The following PKP2 variants were observed in gnomAD, a reference collection of about 807,000 sequenced individuals.
PKP2 encodes plakophilin-2.
In PKP2, 73 loss-of-function variants were observed where a neutral mutation model predicts 83.4. That is an observed-to-expected ratio of 0.88 (90% CI 0.72 to 1.06). The LOEUF (loss-of-function observed/expected upper bound fraction) is 1.06, where lower values mean the gene tolerates loss of function less well. Among genes scored for constraint, PKP2 ranks in the 50% least tolerant of loss-of-function variants. The probability of loss-of-function intolerance (pLI) is 0.00; values close to 1 mark genes in which losing one functional copy is unlikely to be tolerated. For missense variants in PKP2, 966 were observed against 1,065.4 expected, an observed-to-expected ratio of 0.91 and a Z score of 1.30; for synonymous variants, 409 against 430.4, an observed-to-expected ratio of 0.95 and a Z score of 0.62.
intron 5 of PKP2, among the ~76,000 whole-genome samples, chr12:32,849,421 G>C (rs1956677478): frequency 6.6e-6 from 1 of 152,140 alleles, no homozygotes; most frequent in Non-Finnish European, 1.5e-5. Context: ...GTCCCACTAT[G>C]TTGGCCAGGC....
At chr12:32,884,906 C>G (rs960791149) in intron 1 of PKP2, among the ~76,000 whole-genome samples, 2 of 152,082 alleles carry the variant, frequency 1.3e-5, no homozygotes, top group African/African-American at 4.8e-5. Context: ...TTCATTTCAC[C>G]TGCACAGTGC....
At chr12:32,858,107 ATATATAT>A (rs1457697730) in intron 4 of PKP2, among the ~76,000 whole-genome samples, 1 of 101,714 alleles carries the variant, frequency 9.8e-6, no homozygotes, top group Non-Finnish European at 2.0e-5. Context: ...ATATATATAT[ATATATAT>A]ATTTATATAT....
At chr12:32,830,887 C>T (rs1032380276) in intron 6 of PKP2, among the ~76,000 whole-genome samples, 4 of 142,996 alleles carry the variant, frequency 2.8e-5, no homozygotes, top group African/African-American at 1.0e-4. Flanking sequence ...GCCTAGGCAA[C>T]AGAGTGAGAC....
intron 6 of PKP2, among the ~76,000 whole-genome samples, chr12:32,827,269 T>G (rs1326394059): frequency 6.6e-6 from 1 of 152,242 alleles, no homozygotes; most frequent in Non-Finnish European, 1.5e-5. Context: ...ATGGGACTTA[T>G]CAGGGGTTTC....
At chr12:32,867,893 G>A (rs1956862749) in intron 4 of PKP2, among the ~76,000 whole-genome samples, 1 of 152,152 alleles carries the variant, frequency 6.6e-6, no homozygotes, top group South Asian at 2.1e-4. Flanking sequence ...CCTCACAAAT[G>A]TATCACTTTT....
chr12:32,869,507 G>A (rs540201375), intron 3 of PKP2, among the ~76,000 whole-genome samples: 294 of 151,278 alleles, frequency 1.9e-3, no homozygotes, highest in Middle Eastern at 0.01. Flanking sequence ...GCTGAGGCAG[G>A]AGAATCACTT....
chr12:32,891,965 C>T (rs569342828), intron 1 of PKP2, among the ~76,000 whole-genome samples: 1 of 152,070 alleles, frequency 6.6e-6, no homozygotes, highest in South Asian at 2.1e-4. Context: ...TTGGACTTAC[C>T]GAACTCAATC....
intron 1 of PKP2, among the ~76,000 whole-genome samples, chr12:32,892,818 C>CG (rs574559982): frequency 0.19 from 3,671 of 19,742 alleles, 460 homozygotes; most frequent in East Asian, 0.5. Context: ...GGGGTGGGGG[C>CG]GGGGGGGGGG....
intron 6 of PKP2, among the ~76,000 whole-genome samples, chr12:32,837,395 T>A (rs1292479510): frequency 5.3e-5 from 8 of 152,152 alleles, no homozygotes; most frequent in Non-Finnish European, 7.3e-5. Context: ...GGAAAACCTA[T>A]CTTGTAGGGA....
At position 32,822,492 on chromosome 12, in the gene PKP2, C is replaced by A; in HGVS notation, c.1814G>T (p.Gly605Val). 1.9e-6 allele frequency: 3 copies of A among 1,614,086 alleles called. No individual in the cohort carries two copies. The highest frequency in any genetic ancestry group is 2.5e-6 in the Non-Finnish European group (3 of 1,180,014). Residue 605 changes from glycine to valine, a missense_variant, in exon 8 of 13, where the codon GGC (glycine) becomes GTC (valine). Coordinates refer to ENST00000340811, the MANE Select transcript of PKP2 (RefSeq NM_001005242.3). ...TDNNKSIGCF[G>V]SRSRKVKEQY... ...CTCTTTTACTTTCCTGCTTCGACTG[C>A]CAAAACATCCAATACTTTTGTTGTT...
At chr12:32,863,745 T>C (rs1956821694) in intron 4 of PKP2, among the ~76,000 whole-genome samples, 1 of 152,124 alleles carries the variant, frequency 6.6e-6, no homozygotes, top group Non-Finnish European at 1.5e-5. Flanking sequence ...CTACCAAACA[T>C]TTAAGGAAGA....
chr12:32,808,789 T>C (rs551271594), intron 9 of PKP2, among the ~76,000 whole-genome samples: 1 of 152,100 alleles, frequency 6.6e-6, no homozygotes, highest in East Asian at 1.9e-4. Context: ...AGGGCTGCTG[T>C]GGTTTGTTGG....
chr12:32,853,508 CTTTTT>C (rs71447625), intron 4 of PKP2, among the ~76,000 whole-genome samples: 1 of 138,154 alleles, frequency 7.2e-6, no homozygotes, highest in Non-Finnish European at 1.5e-5. Context: ...TAAATTCATA[CTTTTT>C]TTTTTTTTTT....
At chr12:32,832,520 T>A (rs537705149) in intron 6 of PKP2, among the ~76,000 whole-genome samples, 1 of 152,350 alleles carries the variant, frequency 6.6e-6, no homozygotes, top group South Asian at 2.1e-4. Context: ...TTCCATTATT[T>A]ATTAACTTCA....
In PKP2 at chr12:32,896,414, CCCG is replaced by C. The variant is rs1217849741; in HGVS notation, c.223+92_223+94del. On this transcript the variant is annotated intron_variant, in intron 1 of 12. Coordinates refer to ENST00000340811, the MANE Select transcript of PKP2 (RefSeq NM_001005242.3). ...GCAACAGGTGGGCAGAACACGGGGT[CCCG>C]CACTCCCAGCACGCGGGGTGAGGGC... The C allele has an allele frequency of 1.5e-4, 140 of 959,886 alleles. 1 individual carries two copies. In the East Asian group the frequency reaches 4.1e-3, roughly 28 times the overall value. 59.5% of individuals were successfully genotyped at this position (959,886 alleles called of 1,614,324 possible).
chr12:32,891,368 C>T (rs1269028345), intron 1 of PKP2, among the ~76,000 whole-genome samples: 1 of 151,868 alleles, frequency 6.6e-6, no homozygotes, highest in Non-Finnish European at 1.5e-5. Context: ...CATAGTTTGC[C>T]AATAATATGC....
chr12:32,835,162 T>C (rs1412129462), intron 6 of PKP2, among the ~76,000 whole-genome samples: 1 of 151,738 alleles, frequency 6.6e-6, no homozygotes, highest in African/African-American at 2.4e-5. Flanking sequence ...CAAGCGATTC[T>C]CCTACCTCAG....
chr12:32,857,656 T>C (rs1956761417), intron 4 of PKP2, among the ~76,000 whole-genome samples: 1 of 152,198 alleles, frequency 6.6e-6, no homozygotes, highest in South Asian at 2.1e-4. Flanking sequence ...TGTGATATTA[T>C]ACTTCTTAGA....
At position 32,870,734 on chromosome 12, in the gene PKP2, T is replaced by A. The variant is rs1361487754; in HGVS notation, c.1035-1672A>T. On this transcript the variant is annotated intron_variant, in intron 3 of 12. Coordinates refer to ENST00000340811, the MANE Select transcript of PKP2 (RefSeq NM_001005242.3). Reference sequence around the variant, plus strand: ...CAGCCATCACGGTTGTTTTAACTGATGAAAGATCATTCATAAGAACAGCCT... The same window carrying A: ...CAGCCATCACGGTTGTTTTAACTGAAGAAAGATCATTCATAAGAACAGCCT... Among the ~76,000 whole-genome samples, 4 of 152,156 alleles carry A rather than the reference T, an allele frequency of 2.6e-5. No homozygotes were observed. The East Asian group carries it at 7.7e-4, about 29-fold the overall frequency.
Sources: gnomAD v4.1 joint callset for allele counts (sites outside exome capture counted in the v4.1 genomes callset) on GRCh38, gnomAD v4.1.1 for gene constraint, MANE v1.5 for transcripts, NCBI Gene and HGNC (gene_info 2026-07-23, HGNC 2026-07-21) for gene names.